NRXN3: variants seen among roughly 807,000 people sequenced by gnomAD.
NRXN3 encodes neurexin III.
In NRXN3, 32 loss-of-function variants were observed where a neutral mutation model predicts 137.6. That is an observed-to-expected ratio of 0.23 (90% CI 0.18 to 0.31). The LOEUF (loss-of-function observed/expected upper bound fraction) is 0.31, where lower values mean the gene tolerates loss of function less well. NRXN3 is among the 10% of genes least tolerant of loss of function. NRXN3 has a pLI of 1.00. For synonymous variants in NRXN3, 798 were observed against 784.5 expected (o/e 1.02, Z -0.29); for missense variants, 1,574 against 2,062.5 (o/e 0.76, Z 4.59).
At chr14:79,139,328 G>A (rs902847678) in intron 15 of NRXN3, among the ~76,000 whole-genome samples, 1 of 152,098 alleles carries the variant, frequency 6.6e-6, no homozygotes, top group African/African-American at 2.4e-5. Context: ...CTCTTGGTTA[G>A]CAAGTCAACA....
intron 4 of NRXN3, among the ~76,000 whole-genome samples, chr14:78,483,716 C>G (rs758675543): frequency 2.0e-5 from 3 of 152,152 alleles, no homozygotes; most frequent in Admixed American, 6.5e-5. Context: ...GGGAGTTCCT[C>G]CAGCCTTGGG....
chr14:79,660,758 C>T (rs1365290901), intron 16 of NRXN3, among the ~76,000 whole-genome samples: 1 of 152,114 alleles, frequency 6.6e-6, no homozygotes, highest in African/African-American at 2.4e-5. Flanking sequence ...CACCAGCTGT[C>T]CTTTCCATGC....
At chr14:79,493,036 T>A (rs533576430) in intron 16 of NRXN3, among the ~76,000 whole-genome samples, 2 of 152,284 alleles carry the variant, frequency 1.3e-5, no homozygotes, top group South Asian at 4.1e-4. Flanking sequence ...GATAGCCCAA[T>A]GTGATATTGA....
intron 15 of NRXN3, among the ~76,000 whole-genome samples, chr14:79,301,096 T>A (rs991045346): frequency 2.6e-5 from 4 of 152,092 alleles, no homozygotes; most frequent in Admixed American, 2.6e-4. Context: ...TTCAGAGGAT[T>A]TTTATTTCTC....
chr14:78,701,989 AG>A (rs1208140099), intron 6 of NRXN3, among the ~76,000 whole-genome samples: 1 of 152,198 alleles, frequency 6.6e-6, no homozygotes, highest in African/African-American at 2.4e-5. Flanking sequence ...GTATCTCAGC[AG>A]GTGGAGTTAG....
intron 19 of NRXN3, among the ~76,000 whole-genome samples, chr14:79,799,140 CAGAT>C (rs1425504577): frequency 6.6e-6 from 1 of 152,142 alleles, no homozygotes; most frequent in Non-Finnish European, 1.5e-5. Context: ...TCCTGCCAGA[CAGAT>C]ATTTTATTGA....
intron 4 of NRXN3, among the ~76,000 whole-genome samples, chr14:78,621,592 C>T (rs1043947994): frequency 6.6e-6 from 1 of 152,136 alleles, no homozygotes; most frequent in African/African-American, 2.4e-5. Context: ...TCAACATTTC[C>T]CTCAGAAAGC....
intron 15 of NRXN3, among the ~76,000 whole-genome samples, chr14:79,365,458 G>A (rs2093844042): frequency 6.6e-6 from 1 of 151,316 alleles, no homozygotes; most frequent in East Asian, 1.9e-4. Context: ...GGTGGCTCAC[G>A]CCTGTAATCC....
At chr14:79,486,989 C>T (rs2153649563) in intron 16 of NRXN3, among the ~76,000 whole-genome samples, 1 of 147,960 alleles carries the variant, frequency 6.8e-6, no homozygotes, top group Non-Finnish European at 1.5e-5. Flanking sequence ...AAGATAAAAT[C>T]CAAAGCTTCT....
intron 10 of NRXN3, among the ~76,000 whole-genome samples, chr14:78,902,237 A>T (rs2099199003): frequency 6.6e-6 from 1 of 152,062 alleles, no homozygotes; most frequent in African/African-American, 2.4e-5. Flanking sequence ...CAACATATAG[A>T]CACGCCTCAC....
At chr14:79,049,224 C>A (rs538733201) in intron 15 of NRXN3, among the ~76,000 whole-genome samples, 104 of 151,930 alleles carry the variant, frequency 6.8e-4, no homozygotes, top group African/African-American at 1.6e-3. Flanking sequence ...TCCTGTTAAG[C>A]CCAGCAGCTG....
intron 10 of NRXN3, among the ~76,000 whole-genome samples, chr14:78,817,657 A>G (rs2098938014): frequency 6.6e-6 from 1 of 152,170 alleles, no homozygotes; most frequent in Non-Finnish European, 1.5e-5. Context: ...GTGCAAAAAG[A>G]TCACTTGGTG....
chr14:79,667,384 CT>C (rs1294501210), intron 17 of NRXN3, among the ~76,000 whole-genome samples: 1 of 151,966 alleles, frequency 6.6e-6, no homozygotes, highest in African/African-American at 2.4e-5. Context: ...AGAACATGCT[CT>C]CGGGGAATTG....
chr14:79,723,998 A>G (rs1229283497), intron 19 of NRXN3, among the ~76,000 whole-genome samples: 2 of 152,284 alleles, frequency 1.3e-5, no homozygotes, highest in Non-Finnish European at 2.9e-5. Context: ...TAAAATGTCT[A>G]TAAAATTTTA....
chr14:79,846,672 T>C (rs2099374748), intron 20 of NRXN3, among the ~76,000 whole-genome samples: 1 of 152,184 alleles, frequency 6.6e-6, no homozygotes, highest in African/African-American at 2.4e-5. Context: ...AAATCTCTAT[T>C]CTTTGTGACC....
At chr14:79,713,961 T>C (rs998831007) in intron 19 of NRXN3, among the ~76,000 whole-genome samples, 1 of 152,168 alleles carries the variant, frequency 6.6e-6, no homozygotes, top group African/African-American at 2.4e-5. Context: ...TGTTTGCATG[T>C]CACTGGGTTC....
chr14:78,729,812 C>T lies in NRXN3; in HGVS notation c.2044+14673C>T, dbSNP rs534802369. On this transcript the variant is annotated intron_variant, in intron 8 of 20. Coordinates refer to ENST00000335750, the MANE Select transcript of NRXN3 (RefSeq NM_001330195.2). ...ATCTCTCCTTCTCTAGACGGGGAGC[C>T]ATCGGCTATGTATCCCCAGTGCCAA... Among the ~76,000 whole-genome samples the T allele has an allele frequency of 1.9e-4, 29 of 152,268 alleles. No individual in the cohort carries two copies. In the Middle Eastern group the frequency reaches 0.017, roughly 89 times the overall value.
intron 8 of NRXN3, among the ~76,000 whole-genome samples, chr14:78,758,791 T>C (rs1358942296): frequency 2.0e-5 from 3 of 152,266 alleles, no homozygotes; most frequent in Non-Finnish European, 2.9e-5. Flanking sequence ...TATTTCAACA[T>C]ACTTAGCATA....
At chr14:78,560,505 T>G (rs1025723881) in intron 4 of NRXN3, among the ~76,000 whole-genome samples, 37 of 152,224 alleles carry the variant, frequency 2.4e-4, no homozygotes, top group African/African-American at 8.9e-4. Context: ...AGATACAGAC[T>G]GTATAACCTT....
Sources: allele counts gnomAD v4.1 joint callset (sites outside exome capture counted in the v4.1 genomes callset), GRCh38; gene constraint gnomAD v4.1.1; transcripts MANE v1.5; gene names NCBI Gene and HGNC (gene_info 2026-07-23, HGNC 2026-07-21).